Variants in GALNT10 observed in about 807,000 individuals in gnomAD.
GALNT10 encodes the protein GalNAc transferase 10.
Under a neutral mutation model 75.0 loss-of-function variants are expected in GALNT10, and 41 were observed. That is an observed-to-expected ratio of 0.55 (90% CI 0.43 to 0.71). The LOEUF (loss-of-function observed/expected upper bound fraction) is 0.71, where lower values mean the gene tolerates loss of function less well. Among genes scored for constraint, GALNT10 ranks in the 30% least tolerant of loss-of-function variants. The pLI is 0.00. For synonymous variants in GALNT10, 302 were observed against 313.0 expected (o/e 0.96, Z 0.37); for missense variants, 727 against 818.5 (o/e 0.89, Z 1.36).
At chr5:154,338,362 T>G in intron 4 of GALNT10, 1 of 465,552 alleles carries the variant, frequency 2.1e-6, no homozygotes, top group Non-Finnish European at 4.0e-6. Flanking sequence ...ATTTGAGACC[T>G]CAGGCTCTCA....
At chr5:154,192,806 T>C (rs949360587) in intron 1 of GALNT10, among the ~76,000 whole-genome samples, 1 of 152,134 alleles carries the variant, frequency 6.6e-6, no homozygotes, top group African/African-American at 2.4e-5. Context: ...TCTAAAATAG[T>C]GCTTGACATT....
intron 3 of GALNT10, among the ~76,000 whole-genome samples, chr5:154,303,585 T>G (rs1203075077): frequency 6.6e-6 from 1 of 152,184 alleles, no homozygotes; most frequent in Non-Finnish European, 1.5e-5. Flanking sequence ...GAAAACCTCC[T>G]AATTCATAAC....
intron 7 of GALNT10, among the ~76,000 whole-genome samples, chr5:154,396,661 C>G (rs1756024757): frequency 1.3e-5 from 2 of 152,158 alleles, no homozygotes; most frequent in Non-Finnish European, 2.9e-5. Context: ...GCCTCCCTCG[C>G]TGGGTTGCTG....
intron 1 of GALNT10, among the ~76,000 whole-genome samples, chr5:154,211,547 G>T (rs1280728114): frequency 1.3e-5 from 2 of 152,100 alleles, no homozygotes; most frequent in Non-Finnish European, 2.9e-5. Flanking sequence ...TCCCGTTTTG[G>T]TTATATAGTG....
At chr5:154,297,183 C>T (rs1754289615) in intron 2 of GALNT10, among the ~76,000 whole-genome samples, 1 of 152,134 alleles carries the variant, frequency 6.6e-6, no homozygotes, top group Non-Finnish European at 1.5e-5. Context: ...CCTGGAGTAT[C>T]ACACTCCTTC....
At chr5:154,380,296 T>C in intron 5 of GALNT10, 152 bp from the exon 6 acceptor site, 1 of 650,034 alleles carries the variant, frequency 1.5e-6, no homozygotes, top group Non-Finnish European at 2.7e-6. Flanking sequence ...CGGTCCCTCT[T>C]GCTTAAAGCT....
chr5:154,190,920 C>T lies in GALNT10; in HGVS notation c.54C>T (p.Ala18=), dbSNP rs781173988. ...LLQAVALVLA[A]LVLLPNVGLW... ...AGGCGGTGGCGCTGGTGCTGGCGGC[C>T]CTGGTCCTCCTGCCCAACGTGGGGC... The change falls in exon 1 of 12, where the codon GCC becomes GCT. Residue 18 remains alanine, a synonymous_variant. Transcript: ENST00000297107. The T allele has an allele frequency of 4.0e-6, 6 of 1,498,806 alleles. No individual in the cohort carries two copies. The highest frequency in any genetic ancestry group is 2.7e-5 in the East Asian group (1 of 37,734). The allele number at this position is 1,498,806 out of a possible 1,614,324, so 92.8% of individuals were successfully genotyped here. A position where few individuals can be genotyped will look rare whatever the true frequency, so the allele number is the denominator to read the frequency against.
At chr5:154,274,193 C>A (rs1753915234) in intron 1 of GALNT10, among the ~76,000 whole-genome samples, 1 of 152,158 alleles carries the variant, frequency 6.6e-6, no homozygotes, top group African/African-American at 2.4e-5. Context: ...GGACAGGAAA[C>A]AGGTCAACCT....
rs1339372257 is a variant in GALNT10 at position 154,298,764 on chromosome 5, A to G, written c.401+685A>G. Among the ~76,000 whole-genome samples the G allele has an allele frequency of 6.6e-6, 1 of 152,180 alleles. No homozygotes were observed. The highest frequency in any genetic ancestry group is 1.5e-5 in the Non-Finnish European group (1 of 68,036). On this transcript the variant is annotated intron_variant, in intron 3 of 11. Transcript: ENST00000297107. The surrounding 1 kb of genome is among the most constrained non-coding windows in gnomAD (Gnocchi z 4.1). ...TTATCCTGCCTCCCTGTACATTTTCAGTAAGGGTCATTGTGGTGATGATGG... is the reference window on the plus strand; with the variant it reads ...TTATCCTGCCTCCCTGTACATTTTCGGTAAGGGTCATTGTGGTGATGATGG...
At chr5:154,291,417 C>T (rs1754193449) in intron 1 of GALNT10, among the ~76,000 whole-genome samples, 2 of 152,190 alleles carry the variant, frequency 1.3e-5, no homozygotes, top group Non-Finnish European at 2.9e-5. Context: ...AGGCCCCGCC[C>T]TAGACCTACT....
chr5:154,313,018 T>G (rs1164584505), intron 3 of GALNT10, among the ~76,000 whole-genome samples: 2 of 152,158 alleles, frequency 1.3e-5, no homozygotes, highest in African/African-American at 4.8e-5. Context: ...TTTTAAAATG[T>G]TATTGTTAGG....
intron 1 of GALNT10, chr5:154,217,847 T>G (rs140190786): frequency 4.6e-6 from 1 of 215,690 alleles, no homozygotes; most frequent in Non-Finnish European, 7.9e-6. Context: ...GGCTTGTGCC[T>G]TGCACATTGT....
chr5:154,297,907 C>G, intron 2 of GALNT10, 34 bp from the exon 3 acceptor site: 1 of 1,598,858 alleles, frequency 6.3e-7, no homozygotes, highest in Non-Finnish European at 8.6e-7. Flanking sequence ...CCCCATACAT[C>G]ATTAGCAACA....
intron 7 of GALNT10, among the ~76,000 whole-genome samples, chr5:154,393,823 A>G (rs1405174027): frequency 1.3e-5 from 2 of 152,120 alleles, no homozygotes; most frequent in Non-Finnish European, 2.9e-5. Context: ...AGCCTGGGTG[A>G]TAGAGTGAGA....
At chr5:154,299,987 A>C (rs775430694) in intron 3 of GALNT10, among the ~76,000 whole-genome samples, 27 of 152,114 alleles carry the variant, frequency 1.8e-4, no homozygotes, top group Non-Finnish European at 3.1e-4. Flanking sequence ...AGTGTGTGCC[A>C]CCACTGCTGG....
intron 1 of GALNT10, among the ~76,000 whole-genome samples, chr5:154,233,623 C>A (rs1259154289): frequency 6.6e-6 from 1 of 152,146 alleles, no homozygotes; most frequent in Non-Finnish European, 1.5e-5. Flanking sequence ...CACCCCCCAC[C>A]AGCCGCCCAC....
intron 3 of GALNT10, among the ~76,000 whole-genome samples, chr5:154,328,719 A>T (rs1436443438): frequency 1.3e-5 from 2 of 152,190 alleles, no homozygotes; most frequent in Non-Finnish European, 2.9e-5. Context: ...GGTAATTCTG[A>T]CCAGCCGGCT....
chr5:154,415,675 T>C lies in GALNT10; in HGVS notation c.1504-108T>C, dbSNP rs1392897273. 6.7e-6 allele frequency: 7 copies of C among 1,048,302 alleles called. No individual in the cohort carries two copies. In the African/African-American group the frequency reaches 1.1e-4, roughly 17 times the overall value. The allele number at this position is 1,048,302 out of a possible 1,614,324, so 64.9% of individuals were successfully genotyped here. On this transcript the variant is annotated intron_variant, in intron 10 of 11. Coordinates refer to ENST00000297107, the MANE Select transcript of GALNT10 (RefSeq NM_198321.4). ...TAGGTGGTTAGAACAGGTTAATATA[T>C]TATTATTTGGACCTCTGAGTTTAAA... is the stretch of plus-strand genomic sequence containing the variant.
intron 3 of GALNT10, among the ~76,000 whole-genome samples, chr5:154,326,938 C>T (rs1754764806): frequency 6.6e-6 from 1 of 152,132 alleles, no homozygotes; most frequent in Non-Finnish European, 1.5e-5. Context: ...AATTAGAGTT[C>T]AGTAAAACTC....
Sources: gnomAD v4.1 joint callset for allele counts (sites outside exome capture counted in the v4.1 genomes callset) on GRCh38, gnomAD v4.1.1 for gene constraint, Gnocchi (gnomAD v3.1) non-coding constraint, MANE v1.5 for transcripts, NCBI Gene and HGNC (gene_info 2026-07-23, HGNC 2026-07-21) for gene names.